CEP128: variants seen among roughly 807,000 people sequenced by gnomAD.
CEP128 encodes centrosomal protein 128, also known as centrosomal protein 128kDa.
Under a neutral mutation model 156.7 loss-of-function variants are expected in CEP128, and 132 were observed. The observed-to-expected ratio is 0.84, with a 90% confidence interval of 0.73 to 0.97. The LOEUF (loss-of-function observed/expected upper bound fraction) is 0.97, where lower values mean the gene tolerates loss of function less well. Ranked by LOEUF, CEP128 falls within the 50% of genes least tolerant of loss-of-function variation. CEP128 has a pLI of 0.00. For missense variants in CEP128, 1,252 were observed against 1,281.9 expected (o/e 0.98, Z 0.36); for synonymous variants, 469 against 448.9 (o/e 1.04, Z -0.57).
At position 80,792,814 on chromosome 14, in the gene CEP128, T is replaced by C; in HGVS notation, c.1506A>G (p.Arg502=). 6.2e-7 allele frequency: 1 copy of C among 1,614,190 alleles called. No homozygotes were observed. The highest frequency in any genetic ancestry group is 8.5e-7 in the Non-Finnish European group (1 of 1,180,028). The change falls in exon 14 of 25, where the codon CGA becomes CGG. Residue 502 remains arginine (R), a synonymous_variant. Coordinates refer to ENST00000555265, the MANE Select transcript of CEP128 (RefSeq NM_152446.5). ...CAGTTTCAGATTGTTTCTCCAACGCTCGTTCTAACTTCTTATGCTTAAGCT... is the reference window on the plus strand; with the variant it reads ...CAGTTTCAGATTGTTTCTCCAACGCCCGTTCTAACTTCTTATGCTTAAGCT... ...QWKLKHKKLE[R]ALEKQSETVD... is the part of the protein sequence containing the mutation.
intron 19 of CEP128, among the ~76,000 whole-genome samples, chr14:80,672,297 C>A (rs1237345832): frequency 6.4e-5 from 5 of 77,844 alleles, no homozygotes; most frequent in Admixed American, 1.7e-4. Flanking sequence ...TTTTGAGATA[C>A]CTAATAAGCC....
chr14:80,818,663 C>T (rs1394697474), intron 13 of CEP128, among the ~76,000 whole-genome samples: 1 of 152,162 alleles, frequency 6.6e-6, no homozygotes, highest in African/African-American at 2.4e-5. Flanking sequence ...TCCCTGAAGC[C>T]CAGCAGGGAA....
At chr14:80,901,542 C>T (rs544953755) in intron 6 of CEP128, among the ~76,000 whole-genome samples, 3 of 152,092 alleles carry the variant, frequency 2.0e-5, no homozygotes. Flanking sequence ...TAAGGGTAAC[C>T]TTGAGAATGA....
chr14:80,677,700 T>C (rs7156519), intron 19 of CEP128, among the ~76,000 whole-genome samples: 131,634 of 151,682 alleles, frequency 0.87, 57,205 homozygotes, highest in East Asian at 0.98. Flanking sequence ...GTATAACTTA[T>C]GGAAGTGTGT....
chr14:80,914,730 C>A (rs541093088), intron 3 of CEP128, among the ~76,000 whole-genome samples: 30 of 152,146 alleles, frequency 2.0e-4, no homozygotes, highest in Non-Finnish European at 4.4e-5. Context: ...CCAATTCACA[C>A]CCTCTTTATA....
At chr14:80,572,250 G>T (rs1891170237) in intron 20 of CEP128, among the ~76,000 whole-genome samples, 2 of 152,160 alleles carry the variant, frequency 1.3e-5, no homozygotes, top group Non-Finnish European at 2.9e-5. Context: ...AGATTGGGTG[G>T]GGAGATGGCC....
At chr14:80,729,131 A>C (rs1898163085) in intron 19 of CEP128, among the ~76,000 whole-genome samples, 1 of 82,464 alleles carries the variant, frequency 1.2e-5, no homozygotes, top group African/African-American at 4.2e-5. Flanking sequence ...GTGTGTGTTT[A>C]CCCAGTGTTT....
intron 19 of CEP128, among the ~76,000 whole-genome samples, chr14:80,624,686 AT>A (rs1893633788): frequency 6.6e-6 from 1 of 151,978 alleles, no homozygotes; most frequent in African/African-American, 2.4e-5. Flanking sequence ...GATGTTGAGC[AT>A]TTTTTCATGT....
Position 80,761,608 on chromosome 14 carries a change from T to C in CEP128, c.2382A>G (p.Lys794=), listed in dbSNP as rs765747629. ...AGTGCTCCTCTTCAATGCTTATATG[T>C]TTTTCCTAAGGCATTGAAAGAAATT... ...CLKDQLEERE[K]HISIEEEHLR... is the part of the protein sequence containing the mutation. Residue 794 remains lysine, a synonymous_variant, in exon 17 of 25, where the codon AAA becomes AAG. Transcript: ENST00000555265. 31 of 1,585,488 alleles carry C rather than the reference T, an allele frequency of 2.0e-5. No homozygotes were observed. The East Asian group carries it at 6.9e-4, about 36-fold the overall frequency.
At chr14:80,764,387 T>G (rs1027804519) in intron 16 of CEP128, among the ~76,000 whole-genome samples, 10 of 151,670 alleles carry the variant, frequency 6.6e-5, no homozygotes, top group African/African-American at 2.2e-4. Flanking sequence ...TAGTCCCAGC[T>G]ACTCGGGAGG....
Position 80,848,899 on chromosome 14 carries a change from G to C in CEP128, c.763-8131C>G, listed in dbSNP as rs185669815. Reference sequence around the variant, plus strand: ...ATCATGCCACTGCACTCTAGCCTGGGCAACAGAGTGAGACTGTCTCAAAAA... The same window carrying C: ...ATCATGCCACTGCACTCTAGCCTGGCCAACAGAGTGAGACTGTCTCAAAAA... On this transcript the variant is annotated intron_variant, in intron 9 of 24. Transcript: ENST00000555265. 2.3e-4 allele frequency among the ~76,000 whole-genome samples: 35 copies of C among 151,672 alleles called. 1 individual carries two copies. In the East Asian group the frequency reaches 6.2e-3, roughly 27 times the overall value.
chr14:80,552,483 C>T (rs1890250643), intron 21 of CEP128, among the ~76,000 whole-genome samples: 1 of 152,110 alleles, frequency 6.6e-6, no homozygotes, highest in Admixed American at 6.5e-5. Context: ...CTGTTGGGGT[C>T]AGGATTAATC....
At chr14:80,862,939 A>G (rs1887590214) in intron 8 of CEP128, 66 bp from the exon 9 acceptor site, 5 of 1,167,428 alleles carry the variant, frequency 4.3e-6, no homozygotes, top group Non-Finnish European at 6.4e-6. Flanking sequence ...TAAATTGAGA[A>G]GATAGTTTTA....
chr14:80,657,284 G>A (rs113772458), intron 19 of CEP128, among the ~76,000 whole-genome samples: 1 of 151,778 alleles, frequency 6.6e-6, no homozygotes, highest in African/African-American at 2.4e-5. Flanking sequence ...AAAAATGGTG[G>A]CTTGTCATTT....
chr14:80,594,752 C>T (rs1032459530), intron 19 of CEP128, among the ~76,000 whole-genome samples: 2 of 152,138 alleles, frequency 1.3e-5, no homozygotes, highest in African/African-American at 4.8e-5. Context: ...TAGAGAAATG[C>T]AAATCAAAAC....
At chr14:80,765,790 C>T (rs992479987) in intron 16 of CEP128, among the ~76,000 whole-genome samples, 6 of 152,104 alleles carry the variant, frequency 3.9e-5, no homozygotes, top group South Asian at 4.1e-4. Context: ...GTAACCAAAG[C>T]GCAGACAGAC....
At chr14:80,561,285 G>A (rs1343934738) in intron 20 of CEP128, among the ~76,000 whole-genome samples, 2 of 152,176 alleles carry the variant, frequency 1.3e-5, no homozygotes, top group African/African-American at 2.4e-5. Flanking sequence ...ATAGTTAAGA[G>A]GGCCTCACCC....
intron 22 of CEP128, among the ~76,000 whole-genome samples, chr14:80,529,181 G>A (rs1889111858): frequency 6.6e-6 from 1 of 152,152 alleles, no homozygotes; most frequent in South Asian, 2.1e-4. Context: ...TAGGAAACAT[G>A]TACCATAAAG....
intron 21 of CEP128, among the ~76,000 whole-genome samples, chr14:80,534,512 GCA>G (rs1331572675): frequency 1.7e-4 from 26 of 152,128 alleles, no homozygotes; most frequent in Admixed American, 1.7e-3. Context: ...GCCTTAAAGG[GCA>G]TGGACAAGTC....
Sources: gnomAD v4.1 joint callset for allele counts (sites outside exome capture counted in the v4.1 genomes callset) on GRCh38, gnomAD v4.1.1 for gene constraint, MANE v1.5 for transcripts, NCBI Gene and HGNC (gene_info 2026-07-23, HGNC 2026-07-21) for gene names.